The following PTN variants were observed in gnomAD, a reference collection of about 807,000 sequenced individuals.
PTN encodes the protein heparin affin regulatory protein.
A neutral mutation model predicts 24.1 loss-of-function variants in PTN; 18 were observed. The ratio of observed to expected loss-of-function variants is 0.75; its 90% confidence interval spans 0.52 to 1.11. The LOEUF (loss-of-function observed/expected upper bound fraction) is 1.11. Among genes scored for constraint, PTN ranks in the 50% least tolerant of loss-of-function variants. The pLI is 0.00. For missense variants in PTN, 163 were observed against 198.8 expected, an observed-to-expected ratio of 0.82 and a Z score of 1.08; for synonymous variants, 78 against 68.6, an observed-to-expected ratio of 1.14 and a Z score of -0.67.
At chr7:137,281,148 T>C (rs1003757908) in intron 1 of PTN, among the ~76,000 whole-genome samples, 10 of 151,956 alleles carry the variant, frequency 6.6e-5, no homozygotes, top group African/African-American at 2.2e-4. Context: ...CTAATAAATA[T>C]GCCACGTGAC....
intron 2 of PTN, 31 bp downstream of exon 2, chr7:137,254,828 A>T (rs377653677): frequency 7.0e-7 from 1 of 1,431,258 alleles, no homozygotes; most frequent in African/African-American, 1.4e-5. Flanking sequence ...TAATCAATGA[A>T]GCATCTTGCC....
chr7:137,338,727 G>T (rs1225759220), intron 1 of PTN, among the ~76,000 whole-genome samples: 1 of 152,156 alleles, frequency 6.6e-6, no homozygotes, highest in Non-Finnish European at 1.5e-5. Context: ...CAGTCACTAT[G>T]CGTAAAAGTC....
At chr7:137,285,440 C>T (rs1264255132) in intron 1 of PTN, among the ~76,000 whole-genome samples, 4 of 152,150 alleles carry the variant, frequency 2.6e-5, no homozygotes, top group East Asian at 1.9e-4. Context: ...CCAAGGTGGG[C>T]GGATCACCTG....
chr7:137,262,473 T>G (rs2128872808), intron 1 of PTN, among the ~76,000 whole-genome samples: 1 of 152,292 alleles, frequency 6.6e-6, no homozygotes, highest in East Asian at 1.9e-4. Flanking sequence ...TATTGTTTTC[T>G]TAGTGTTTTC....
intron 4 of PTN, among the ~76,000 whole-genome samples, chr7:137,248,924 G>A (rs577516130): frequency 1.2e-4 from 18 of 151,900 alleles, no homozygotes; most frequent in South Asian, 6.2e-4. Context: ...ATTTATTTAC[G>A]TATGAATATT....
chr7:137,336,236 C>A (rs1337901934), intron 1 of PTN, among the ~76,000 whole-genome samples: 2 of 152,112 alleles, frequency 1.3e-5, no homozygotes, highest in Non-Finnish European at 2.9e-5. Context: ...TCATCATTTC[C>A]CACTTAGAGC....
chr7:137,309,698 A>T (rs749735861), intron 1 of PTN, among the ~76,000 whole-genome samples: 2 of 152,148 alleles, frequency 1.3e-5, no homozygotes, highest in African/African-American at 4.8e-5. Flanking sequence ...CTCACCCATA[A>T]GAAGCAACTC....
At chr7:137,312,696 A>G (rs973092295) in intron 1 of PTN, among the ~76,000 whole-genome samples, 1 of 152,224 alleles carries the variant, frequency 6.6e-6, no homozygotes, top group Non-Finnish European at 1.5e-5. Context: ...AGTAAGAAAA[A>G]GGCTAGAAAA....
chr7:137,253,699 C>G, intron 2 of PTN, 62 bp from the exon 3 acceptor site: 1 of 1,337,638 alleles, frequency 7.5e-7, no homozygotes, highest in Non-Finnish European at 9.8e-7. Flanking sequence ...CAGATATAAC[C>G]AAGTTCATTC....
At chr7:137,286,795 T>C (rs1384821712) in intron 1 of PTN, among the ~76,000 whole-genome samples, 2 of 152,186 alleles carry the variant, frequency 1.3e-5, no homozygotes, top group Non-Finnish European at 2.9e-5. Flanking sequence ...TACTAAACTT[T>C]CTTCTTCAAA....
At chr7:137,261,888 G>C (rs1809045417) in intron 1 of PTN, among the ~76,000 whole-genome samples, 1 of 152,148 alleles carries the variant, frequency 6.6e-6, no homozygotes, top group South Asian at 2.1e-4. Context: ...GCCCTCTCTG[G>C]AATGGAGATC....
rs143222696 is a variant in PTN, at chr7:137,299,317, T to C, written c.-2+44122A>G. ...TTATTCCTTTGGGCTCTAGGCATAA[T>C]ACTAAATGTTTTATATGCTTGTATC... On this transcript the variant is annotated intron_variant, in intron 1 of 4. Transcript: ENST00000348225. Among the ~76,000 whole-genome samples, 172 of 152,132 alleles carry C rather than the reference T, an allele frequency of 1.1e-3. 1 individual carries two copies. The highest frequency in any genetic ancestry group is 9.5e-3 in the East Asian group (49 of 5,150).
intron 1 of PTN, among the ~76,000 whole-genome samples, chr7:137,330,132 C>A (rs1471284194): frequency 6.6e-6 from 1 of 151,966 alleles, no homozygotes; most frequent in African/African-American, 2.4e-5. Flanking sequence ...ACTAAAAATA[C>A]AAAAATTAGC....
chr7:137,331,075 A>G (rs1025691867), intron 1 of PTN, among the ~76,000 whole-genome samples: 5 of 152,302 alleles, frequency 3.3e-5, no homozygotes, highest in East Asian at 1.9e-4. Flanking sequence ...TTCAAGTCCA[A>G]TGCTGTTTCT....
intron 1 of PTN, among the ~76,000 whole-genome samples, chr7:137,324,518 A>T (rs976754789): frequency 6.7e-6 from 1 of 150,256 alleles, no homozygotes; most frequent in Non-Finnish European, 1.5e-5. Flanking sequence ...GCACTTTAAG[A>T]CCACAGCCCC....
At chr7:137,333,172 T>C (rs1810388897) in intron 1 of PTN, among the ~76,000 whole-genome samples, 1 of 152,192 alleles carries the variant, frequency 6.6e-6, no homozygotes, top group Non-Finnish European at 1.5e-5. Flanking sequence ...GGTACCTTCC[T>C]GTCTTTCTTG....
chr7:137,238,482 GGC>G (rs1337793738), intron 4 of PTN, among the ~76,000 whole-genome samples: 4 of 152,088 alleles, frequency 2.6e-5, no homozygotes, highest in African/African-American at 7.2e-5. Flanking sequence ...TATCCAACAG[GGC>G]TCAATCAGTC....
chr7:137,336,972 G>C (rs1810459315), intron 1 of PTN, among the ~76,000 whole-genome samples: 1 of 152,214 alleles, frequency 6.6e-6, no homozygotes, highest in African/African-American at 2.4e-5. Flanking sequence ...GAGCTACTAA[G>C]AAGTGCAGTG....
chr7:137,333,142 C>T (rs2128882974), intron 1 of PTN, among the ~76,000 whole-genome samples: 1 of 152,178 alleles, frequency 6.6e-6, no homozygotes, highest in South Asian at 2.1e-4. Context: ...CCCCCAGGAG[C>T]TGATTGTTAA....
Sources: allele counts gnomAD v4.1 joint callset (sites outside exome capture counted in the v4.1 genomes callset), GRCh38; gene constraint gnomAD v4.1.1; transcripts MANE v1.5; gene names NCBI Gene and HGNC (gene_info 2026-07-23, HGNC 2026-07-21).